GRIK2: variants seen among roughly 807,000 people sequenced by gnomAD.
GRIK2 encodes glutamate ionotropic receptor kainate type subunit 2.
GRIK2 carries 32 observed loss-of-function variants against 100.3 expected under a neutral mutation model. The ratio of observed to expected loss-of-function variants is 0.32; its 90% CI spans 0.24 to 0.43. The LOEUF is 0.43. GRIK2 is among the 20% of genes least tolerant of loss of function. GRIK2 has a pLI of 1.00. For missense variants in GRIK2, 843 were observed against 1,114.9 expected (o/e 0.76, Z 3.47); for synonymous variants, 417 against 389.4 (o/e 1.07, Z -0.83).
intron 2 of GRIK2, among the ~76,000 whole-genome samples, chr6:101,507,095 G>GA (rs1393723629): frequency 6.6e-6 from 1 of 152,070 alleles, no homozygotes; most frequent in East Asian, 1.9e-4. Context: ...ATGGACTTTG[G>GA]AAAAATTTAT....
At chr6:101,402,710 C>G (rs866284453) in intron 2 of GRIK2, among the ~76,000 whole-genome samples, 1 of 152,166 alleles carries the variant, frequency 6.6e-6, no homozygotes, top group Non-Finnish European at 1.5e-5. Flanking sequence ...TGCCCTAGGT[C>G]GAGCCAGATG....
chr6:101,918,755 G>A (rs1044220165), intron 12 of GRIK2, among the ~76,000 whole-genome samples: 1 of 151,642 alleles, frequency 6.6e-6, no homozygotes, highest in African/African-American at 2.4e-5. Context: ...CCTCTTTTAG[G>A]CACTGAAGTA....
intron 15 of GRIK2, among the ~76,000 whole-genome samples, chr6:102,045,222 TAAAC>T (rs924451819): frequency 2.6e-5 from 4 of 152,012 alleles, no homozygotes; most frequent in African/African-American, 9.7e-5. Context: ...TTTTTACAAA[TAAAC>T]AAGGTAATGT....
At chr6:101,759,884 T>TTA (rs1777389300) in intron 7 of GRIK2, among the ~76,000 whole-genome samples, 1 of 135,312 alleles carries the variant, frequency 7.4e-6, no homozygotes, top group Admixed American at 7.3e-5. Flanking sequence ...TTTATTTTTA[T>TTA]TTTTTTTTGA....
chr6:101,869,875 G>A (rs970981067), intron 11 of GRIK2, among the ~76,000 whole-genome samples: 1 of 151,782 alleles, frequency 6.6e-6, no homozygotes, highest in Non-Finnish European at 1.5e-5. Flanking sequence ...AGAGATCAAA[G>A]CTTTTTCTAT....
At chr6:101,933,415 C>T (rs1052017400) in intron 14 of GRIK2, among the ~76,000 whole-genome samples, 1 of 151,888 alleles carries the variant, frequency 6.6e-6, no homozygotes, top group Non-Finnish European at 1.5e-5. Flanking sequence ...CTAAAACTAG[C>T]CAGCTGATAC....
At chr6:101,976,707 G>A (rs555881052) in intron 14 of GRIK2, among the ~76,000 whole-genome samples, 2 of 151,704 alleles carry the variant, frequency 1.3e-5, no homozygotes, top group South Asian at 4.2e-4. Context: ...AAAAAAAATG[G>A]TCTGTGGAAT....
chr6:101,551,414 C>T (rs1203846520), intron 2 of GRIK2, among the ~76,000 whole-genome samples: 3 of 152,020 alleles, frequency 2.0e-5, no homozygotes, highest in Non-Finnish European at 4.4e-5. Flanking sequence ...TTATCACTAT[C>T]CACAGACATG....
chr6:102,010,423 G>A (rs958441097), intron 14 of GRIK2, among the ~76,000 whole-genome samples: 2 of 144,486 alleles, frequency 1.4e-5, no homozygotes, highest in Admixed American at 1.5e-4. Flanking sequence ...TCACTCTGTC[G>A]CCCAGGCTGA....
Position 101,532,431 on chromosome 6 carries a change from C to T in GRIK2, c.116-89518C>T, listed in dbSNP as rs112607300. On this transcript the variant is annotated intron_variant, in intron 2 of 16. Coordinates refer to ENST00000369134, the MANE Select transcript of GRIK2 (RefSeq NM_021956.5). ...GAACAGAAAATTATACTATAAATTC[C>T]GATAGAATAGAGACTTAGTTATTTT... 2.1e-4 allele frequency among the ~76,000 whole-genome samples: 32 copies of T among 151,872 alleles called. 1 individual carries two copies. The highest frequency in any genetic ancestry group is 7.7e-4 in the East Asian group (4 of 5,168).
intron 14 of GRIK2, among the ~76,000 whole-genome samples, chr6:101,974,866 A>G (rs972157134): frequency 2.0e-5 from 3 of 151,954 alleles, no homozygotes; most frequent in Non-Finnish European, 2.9e-5. Flanking sequence ...TTAATCAATC[A>G]AACTGGGAAG....
chr6:102,005,396 T>C (rs1183881294), intron 14 of GRIK2, among the ~76,000 whole-genome samples: 1 of 152,076 alleles, frequency 6.6e-6, no homozygotes, highest in Non-Finnish European at 1.5e-5. Context: ...ATTTTATTGA[T>C]ATTATACAAT....
intron 2 of GRIK2, among the ~76,000 whole-genome samples, chr6:101,402,873 C>A (rs1481120163): frequency 1.3e-5 from 2 of 152,338 alleles, no homozygotes; most frequent in Middle Eastern, 3.4e-3. Context: ...CGGCCTTGCC[C>A]GCCCCAGGAT....
At chr6:101,431,028 T>G (rs962189819) in intron 2 of GRIK2, 5 of 253,920 alleles carry the variant, frequency 2.0e-5, no homozygotes, top group Admixed American at 1.9e-4. Context: ...CTACCGGAGG[T>G]GTACAGGGAC....
chr6:101,878,163 T>C (rs978359615), intron 11 of GRIK2, among the ~76,000 whole-genome samples: 1 of 149,402 alleles, frequency 6.7e-6, no homozygotes, highest in African/African-American at 2.4e-5. Flanking sequence ...CTGTCATTTG[T>C]ATTTTTTTCT....
chr6:101,930,305 G>A (rs1790178396), intron 14 of GRIK2, among the ~76,000 whole-genome samples: 1 of 150,812 alleles, frequency 6.6e-6, no homozygotes, highest in Non-Finnish European at 1.5e-5. Context: ...TGGCGACATA[G>A]CACTCCAGCT....
At chr6:101,565,935 G>GTATATATATA (rs60158757) in intron 2 of GRIK2, among the ~76,000 whole-genome samples, 29 of 109,502 alleles carry the variant, frequency 2.6e-4, no homozygotes, top group Admixed American at 7.2e-4. Flanking sequence ...ATATATATGT[G>GTATATATATA]TATATATATA....
intron 14 of GRIK2, among the ~76,000 whole-genome samples, chr6:101,978,054 T>C (rs949237621): frequency 1.3e-5 from 2 of 151,952 alleles, no homozygotes; most frequent in African/African-American, 4.8e-5. Flanking sequence ...GATGGTTACA[T>C]TCCTGCCTGA....
intron 11 of GRIK2, among the ~76,000 whole-genome samples, chr6:101,865,611 G>T (rs1329753169): frequency 1.3e-5 from 2 of 152,128 alleles, no homozygotes; most frequent in African/African-American, 4.8e-5. Flanking sequence ...AAAAGGCTAG[G>T]CGTCGTGACT....
Sources: allele counts gnomAD v4.1 joint callset (sites outside exome capture counted in the v4.1 genomes callset), GRCh38; gene constraint gnomAD v4.1.1; transcripts MANE v1.5; gene names NCBI Gene and HGNC (gene_info 2026-07-23, HGNC 2026-07-21).